SNAP91: variants seen among roughly 807,000 people sequenced by gnomAD.
SNAP91 encodes the protein clathrin coat assembly protein AP180.
SNAP91 carries 27 observed loss-of-function variants against 100.3 expected under a neutral mutation model. The ratio of observed to expected loss-of-function variants is 0.27; its 90% CI spans 0.20 to 0.37. The LOEUF is 0.37. SNAP91 is among the 10% of genes least tolerant of loss of function. SNAP91 has a pLI of 1.00. For synonymous variants in SNAP91, 404 were observed against 398.6 expected (o/e 1.01, Z -0.16); for missense variants, 986 against 1,123.7 (o/e 0.88, Z 1.75).
chr6:83,701,327 A>G (rs988816993), intron 2 of SNAP91, among the ~76,000 whole-genome samples: 32 of 152,214 alleles, frequency 2.1e-4, no homozygotes, highest in Non-Finnish European at 3.2e-4. Flanking sequence ...AATTTAAAAT[A>G]AAAAATGCTA....
intron 26 of SNAP91, among the ~76,000 whole-genome samples, chr6:83,571,613 G>T (rs1405113764): frequency 6.6e-6 from 1 of 152,290 alleles, no homozygotes; most frequent in East Asian, 1.9e-4. Flanking sequence ...TAACTAACTT[G>T]CTTTTGATTT....
intron 14 of SNAP91, 125 bp downstream of exon 14, chr6:83,605,560 T>G: frequency 7.7e-7 from 1 of 1,291,614 alleles, no homozygotes; most frequent in South Asian, 1.4e-5. Flanking sequence ...ATTCTTAACA[T>G]TTTCCCTCCA....
At chr6:83,630,094 A>G (rs1048896720) in intron 8 of SNAP91, among the ~76,000 whole-genome samples, 3 of 152,252 alleles carry the variant, frequency 2.0e-5, no homozygotes, top group African/African-American at 7.2e-5. Context: ...CTTTTTCTGC[A>G]TCTATTGAGA....
At chr6:83,554,463 A>C (rs965751540) in intron 29 of SNAP91, among the ~76,000 whole-genome samples, 178 bp from the exon 30 acceptor site, 1 of 152,158 alleles carries the variant, frequency 6.6e-6, no homozygotes. Flanking sequence ...CAAGCTTAAA[A>C]TTTTTAAAGT....
chr6:83,558,622 G>A (rs1782441921), intron 28 of SNAP91, among the ~76,000 whole-genome samples: 1 of 152,194 alleles, frequency 6.6e-6, no homozygotes, highest in Non-Finnish European at 1.5e-5. Flanking sequence ...CATCAAGGAA[G>A]CAAAAGGGAT....
chr6:83,578,943 T>C (rs1823942058), intron 24 of SNAP91, among the ~76,000 whole-genome samples: 1 of 152,214 alleles, frequency 6.6e-6, no homozygotes, highest in African/African-American at 2.4e-5. Context: ...TTCATTCTTT[T>C]TCATGAAGTT....
chr6:83,707,013 C>T (rs2099390707), intron 2 of SNAP91, among the ~76,000 whole-genome samples: 1 of 152,128 alleles, frequency 6.6e-6, no homozygotes, highest in Non-Finnish European at 1.5e-5. Flanking sequence ...AGAATAAAGC[C>T]TTTTCCATCA....
In SNAP91 at chr6:83,655,774, T is replaced by C. The variant is rs140684296; in HGVS notation, c.658+980A>G. On this transcript the variant is annotated intron_variant, in intron 7 of 29. Coordinates refer to ENST00000369694, the MANE Select transcript of SNAP91 (RefSeq NM_001242792.2). ...CTCAAGCAGGTTGTGAATAAGCAGG[T>C]AGATTGTATGAACAGATGGTTCATA... Among the ~76,000 whole-genome samples the C allele has an allele frequency of 6.0e-3, 921 of 152,274 alleles. 21 individuals carry two copies. Among genetic ancestry groups the C allele is most frequent in the East Asian group, 0.049 (254 of 5,164 alleles).
At chr6:83,603,020 A>T (rs1402595469) in intron 14 of SNAP91, among the ~76,000 whole-genome samples, 1 of 152,190 alleles carries the variant, frequency 6.6e-6, no homozygotes, top group East Asian at 1.9e-4. Context: ...AAGAAAGTTT[A>T]CATGGTTTTC....
At chr6:83,664,898 A>C (rs1407633734) in intron 3 of SNAP91, among the ~76,000 whole-genome samples, 1 of 152,106 alleles carries the variant, frequency 6.6e-6, no homozygotes, top group African/African-American at 2.4e-5. Context: ...TTCTGCAATT[A>C]CTTCAACCTT....
intron 2 of SNAP91, among the ~76,000 whole-genome samples, chr6:83,683,568 C>T (rs936961003): frequency 6.6e-6 from 1 of 152,176 alleles, no homozygotes; most frequent in Admixed American, 6.6e-5. Context: ...TTCCAGAGGT[C>T]CCGACCAGAA....
chr6:83,616,992 T>C lies in SNAP91; in HGVS notation c.855A>G (p.Leu285=). Residue 285 remains leucine (L), a synonymous_variant, in exon 10 of 30, where the codon TTA becomes TTG. Coordinates refer to ENST00000369694, the MANE Select transcript of SNAP91 (RefSeq NM_001242792.2). ...ACTTGTTTCCAGGTTTCTTTCCTTCTAATGTATTTAGATGCTGTTCAAGCG... is the reference window on the plus strand; with the variant it reads ...ACTTGTTTCCAGGTTTCTTTCCTTCCAATGTATTTAGATGCTGTTCAAGCG... ...METLEQHLNT[L]EGKKPGNNEG... The C allele has an allele frequency of 6.5e-7, 1 of 1,547,870 alleles. No individual in the cohort carries two copies. Among genetic ancestry groups the C allele is most frequent in the Non-Finnish European group, 8.7e-7 (1 of 1,144,834 alleles).
chr6:83,589,270 G>A (rs553605053), intron 22 of SNAP91, among the ~76,000 whole-genome samples: 14 of 152,250 alleles, frequency 9.2e-5, no homozygotes, highest in African/African-American at 3.4e-4. Context: ...ATAAAAGCCA[G>A]GCAAACTAGC....
intron 2 of SNAP91, among the ~76,000 whole-genome samples, chr6:83,698,815 T>C (rs1028249541): frequency 1.3e-5 from 2 of 152,170 alleles, no homozygotes; most frequent in African/African-American, 2.4e-5. Flanking sequence ...ACAGACATCA[T>C]ATATTAAGTA....
chr6:83,607,324 T>C (rs2095681610), intron 13 of SNAP91, among the ~76,000 whole-genome samples: 1 of 135,108 alleles, frequency 7.4e-6, no homozygotes, highest in African/African-American at 2.8e-5. Context: ...CAATTCCAAG[T>C]TGGGTTGTGT....
chr6:83,575,128 T>G lies in SNAP91; in HGVS notation c.2331-7A>C. 6.3e-7 allele frequency: 1 copy of G among 1,582,172 alleles called. No individual in the cohort carries two copies. ...ATTCCACTGAAGATCTCCCCTAAAA[T>G]TAACCATGCAAAACAAGCAAACAAA... is the stretch of plus-strand genomic sequence containing the variant. On this transcript the variant is annotated splice_region_variant and splice_polypyrimidine_tract_variant and intron_variant, in intron 25 of 29. Transcript: ENST00000369694.
intron 2 of SNAP91, among the ~76,000 whole-genome samples, chr6:83,691,488 T>C (rs1050856879): frequency 6.6e-6 from 1 of 152,196 alleles, no homozygotes; most frequent in Non-Finnish European, 1.5e-5. Context: ...CAACTACTGA[T>C]GGTCATTTTC....
Position 83,607,771 on chromosome 6 carries a change from G to A in SNAP91, c.950C>T (p.Thr317Ile), listed in dbSNP as rs1448107697. ...GGATGTGTCAATAGTTTTAGCTGGT[G>A]TAGAATTAGGAGACGTAACAGTTGT... ...PATTVTSPNS[T>I]PAKTIDTSPP... Residue 317 changes from threonine to isoleucine, a missense_variant, in exon 13 of 30, where the codon ACA (threonine) becomes ATA (isoleucine). Transcript: ENST00000369694. 6.3e-7 allele frequency: 1 copy of A among 1,593,796 alleles called. No homozygotes were observed. Among genetic ancestry groups the A allele is most frequent in the South Asian group, 1.1e-5 (1 of 87,090 alleles).
intron 8 of SNAP91, among the ~76,000 whole-genome samples, chr6:83,630,286 C>G (rs2097153031): frequency 6.6e-6 from 1 of 152,006 alleles, no homozygotes; most frequent in Non-Finnish European, 1.5e-5. Flanking sequence ...CTATGTTAAT[C>G]AGAAATATTG....
Sources: gnomAD v4.1 joint callset for allele counts (sites outside exome capture counted in the v4.1 genomes callset) on GRCh38, gnomAD v4.1.1 for gene constraint, MANE v1.5 for transcripts, NCBI Gene and HGNC (gene_info 2026-07-23, HGNC 2026-07-21) for gene names.